The following VPS8 variants were observed in gnomAD, a reference collection of about 807,000 sequenced individuals.
The protein encoded by VPS8 is vacuolar protein sorting-associated protein 8 homolog.
In VPS8, 129 loss-of-function variants were observed where a neutral mutation model predicts 216.4. That is an observed-to-expected ratio of 0.60 (90% confidence interval 0.52 to 0.69). VPS8 has a LOEUF of 0.69. Ranked by LOEUF, VPS8 falls within the 30% of genes least tolerant of loss-of-function variation. The pLI is 0.00. For missense variants in VPS8, 1,531 were observed against 1,683.5 expected, an observed-to-expected ratio of 0.91 and a Z score of 1.59; for synonymous variants, 571 against 565.4, an observed-to-expected ratio of 1.01 and a Z score of -0.14.
intron 22 of VPS8, among the ~76,000 whole-genome samples, chr3:184,894,225 A>G (rs183291514): frequency 3.2e-4 from 49 of 152,226 alleles, no homozygotes; most frequent in Non-Finnish European, 2.8e-4. Flanking sequence ...ATATTTAAAT[A>G]CCAAGAAGGA....
At chr3:184,929,776 T>G (rs1314728358) in intron 33 of VPS8, 112 bp downstream of exon 33, 1 of 582,958 alleles carries the variant, frequency 1.7e-6, no homozygotes, top group African/African-American at 2.0e-5. Context: ...AAATACACAT[T>G]GATAATTAAA....
chr3:184,813,378 C>A (rs1279884170), intron 1 of VPS8, among the ~76,000 whole-genome samples: 1 of 152,178 alleles, frequency 6.6e-6, no homozygotes, highest in East Asian at 1.9e-4. Context: ...ATTTGGGAGA[C>A]AATTACATGT....
Position 184,982,602 on chromosome 3 carries a change from C to T in VPS8, c.3457C>T (p.Pro1153Ser), listed in dbSNP as rs985921898. 1.2e-6 allele frequency: 2 copies of T among 1,613,380 alleles called. No individual in the cohort carries two copies. Among genetic ancestry groups the T allele is most frequent in the East Asian group, 2.2e-5 (1 of 44,854 alleles). ...TCCGTTATTGGAGGCAATGATGGCC[C>T]CTCAGAAGCTGTCCAGTTCAGCCAT... ...WFPLLEAMMA[P>S]QKLSSSAIPH... Residue 1153 changes from proline to serine, a missense_variant, in exon 41 of 48, where the codon CCT becomes TCT. By Grantham distance (74) the Pro-to-Ser change is moderately conservative. This residue lies in a region of VPS8 where 1,318 missense variants were observed against 1,468.4 expected (regional missense o/e 0.90). Transcript: ENST00000625842.
intron 37 of VPS8, 21 bp from the exon 38 acceptor site, chr3:184,964,447 T>C: frequency 1.4e-6 from 2 of 1,401,246 alleles, no homozygotes; most frequent in Non-Finnish European, 1.9e-6. Context: ...AATAAAAATA[T>C]TTATCTTTTT....
At chr3:184,873,757 G>A in intron 21 of VPS8, among the ~76,000 whole-genome samples, 1 of 152,128 alleles carries the variant, frequency 6.6e-6, no homozygotes, top group East Asian at 1.9e-4. Context: ...TATGTAATGT[G>A]TAATATCATT....
chr3:184,996,819 A>G (rs1455557254), intron 44 of VPS8, among the ~76,000 whole-genome samples: 2 of 152,242 alleles, frequency 1.3e-5, no homozygotes, highest in East Asian at 3.8e-4. Flanking sequence ...CGAGAGAGGG[A>G]GGAGCAAAGG....
intron 45 of VPS8, among the ~76,000 whole-genome samples, chr3:185,020,072 T>C (rs1756428974): frequency 6.6e-6 from 1 of 152,240 alleles, no homozygotes; most frequent in Non-Finnish European, 1.5e-5. Context: ...AGCAGGGACT[T>C]ACAAGAATCT....
intron 34 of VPS8, among the ~76,000 whole-genome samples, chr3:184,934,622 A>G (rs374846795): frequency 1.3e-5 from 2 of 152,200 alleles, no homozygotes; most frequent in East Asian, 3.8e-4. Flanking sequence ...GAGTTTCCTC[A>G]TGAATGGATT....
At chr3:184,856,502 G>C (rs1443419194) in intron 14 of VPS8, among the ~76,000 whole-genome samples, 1 of 152,180 alleles carries the variant, frequency 6.6e-6, no homozygotes, top group African/African-American at 2.4e-5. Flanking sequence ...GCGTTTCCTA[G>C]CTCAGTGAAG....
At chr3:184,838,815 AT>A (rs1215166867) in intron 6 of VPS8, 69 bp downstream of exon 6, 1 of 1,190,488 alleles carries the variant, frequency 8.4e-7, no homozygotes. Flanking sequence ...TTATCATTAC[AT>A]TGTTCAAAAT....
intron 39 of VPS8, among the ~76,000 whole-genome samples, chr3:184,968,888 A>T (rs774460197): frequency 6.6e-6 from 1 of 152,108 alleles, no homozygotes; most frequent in Non-Finnish European, 1.5e-5. Flanking sequence ...TTACTTACCT[A>T]TATTTTTGTA....
rs1225406197 is a variant in VPS8 at position 185,052,397 on chromosome 3, C to T, written c.*372C>T. 1 of 184,392 alleles carries T rather than the reference C, an allele frequency of 5.4e-6. No individual in the cohort carries two copies. Among genetic ancestry groups the T allele is most frequent in the Middle Eastern group, 2.2e-3 (1 of 452 alleles). The allele number at this position is 184,392 out of a possible 1,614,324, so 11.4% of individuals were successfully genotyped here. ...ATGGCATTCCAGAGTCTGCCATACT[C>T]CGTCTCCTCCAGCTGCTGGATAATA... On this transcript the variant is annotated 3_prime_UTR_variant, in exon 48 of 48. Coordinates refer to ENST00000625842, the MANE Select transcript of VPS8 (RefSeq NM_001009921.3).
Position 184,886,143 on chromosome 3 carries a change from C to A in VPS8, c.1768C>A (p.Leu590Met). ...GCCTGTCATAGTTGATTACTGCCTT[C>A]TGCTGCAGCGAAAGTGAGTATGCGT... ...MVPVIVDYCL[L>M]LQRKDLLFSQ... Residue 590 changes from leucine (L) to methionine (M), a missense_variant, in exon 22 of 48, where the codon CTG becomes ATG. Around this residue, in one of 3 missense-constraint regions of VPS8, gnomAD observed 1,318 missense variants for 1,468.4 expected, o/e 0.90. Coordinates refer to ENST00000625842, the MANE Select transcript of VPS8 (RefSeq NM_001009921.3). 1 of 1,609,182 alleles carries A rather than the reference C, an allele frequency of 6.2e-7. No homozygotes were observed. The highest frequency in any genetic ancestry group is 8.5e-7 in the Non-Finnish European group (1 of 1,177,648).
chr3:184,870,914 T>A (rs1387442625), intron 21 of VPS8, 109 bp downstream of exon 21: 1 of 920,778 alleles, frequency 1.1e-6, no homozygotes, highest in Non-Finnish European at 1.7e-6. Context: ...ATTTTTTTAG[T>A]ATTCAAAACT....
In VPS8 at chr3:184,853,846, T is replaced by G; in HGVS notation, c.822-11T>G. On this transcript the variant is annotated splice_polypyrimidine_tract_variant and intron_variant, in intron 11 of 47. Coordinates refer to ENST00000625842, the MANE Select transcript of VPS8 (RefSeq NM_001009921.3). ...CTAAATTGATTCTGAATTTTCAAATTGCATTTTCAGGAGAGTGATGGGAGT... is the reference window on the plus strand; with the variant it reads ...CTAAATTGATTCTGAATTTTCAAATGGCATTTTCAGGAGAGTGATGGGAGT... 1 of 1,558,380 alleles carries G rather than the reference T, an allele frequency of 6.4e-7. No homozygotes were observed.
At chr3:184,965,461 G>A (rs1440196359) in intron 38 of VPS8, among the ~76,000 whole-genome samples, 2 of 152,154 alleles carry the variant, frequency 1.3e-5, no homozygotes, top group African/African-American at 4.8e-5. Context: ...TGGGGCATGA[G>A]GCCATCATTC....
intron 21 of VPS8, among the ~76,000 whole-genome samples, chr3:184,881,485 T>G (rs1227476920): frequency 6.6e-6 from 1 of 152,110 alleles, no homozygotes; most frequent in Non-Finnish European, 1.5e-5. Flanking sequence ...TAATTCTAGG[T>G]TTTCTATTTT....
At chr3:184,841,783 G>A (rs1412672951) in intron 7 of VPS8, among the ~76,000 whole-genome samples, 1 of 152,114 alleles carries the variant, frequency 6.6e-6, no homozygotes, top group Admixed American at 6.6e-5. Flanking sequence ...TTTTACATCT[G>A]AGGCTGCTGA....
At chr3:184,939,052 C>CTGTT (rs897066198) in intron 35 of VPS8, among the ~76,000 whole-genome samples, 2 of 147,984 alleles carry the variant, frequency 1.4e-5, no homozygotes, top group African/African-American at 5.0e-5. Flanking sequence ...AAAAAAAGGT[C>CTGTT]TGTTTGTGGA....
Sources: allele counts gnomAD v4.1 joint callset (sites outside exome capture counted in the v4.1 genomes callset), GRCh38; gene constraint gnomAD v4.1.1; regional missense constraint gnomAD v4.1.1; transcripts MANE v1.5; gene names NCBI Gene and HGNC (gene_info 2026-07-23, HGNC 2026-07-21).